Variants in ITGB5 observed in about 807,000 individuals in gnomAD.
The protein encoded by ITGB5 is integrin subunit beta 5.
Under a neutral mutation model 84.8 loss-of-function variants are expected in ITGB5, and 38 were observed. That is an observed-to-expected ratio of 0.45 (90% CI 0.35 to 0.59). The LOEUF (loss-of-function observed/expected upper bound fraction) is 0.59. Among genes scored for constraint, ITGB5 ranks in the 20% least tolerant of loss-of-function variants. ITGB5 has a pLI of 0.01. For synonymous variants in ITGB5, 393 were observed against 414.4 expected (o/e 0.95, Z 0.63); for missense variants, 905 against 1,034.5 (o/e 0.87, Z 1.72).
intron 5 of ITGB5, among the ~76,000 whole-genome samples, chr3:124,821,883 T>C (rs554028446): frequency 7.6e-6 from 1 of 131,778 alleles, no homozygotes; most frequent in African/African-American, 2.9e-5. Flanking sequence ...CATCCCCTGG[T>C]TGGCTGGGCT....
intron 1 of ITGB5, among the ~76,000 whole-genome samples, chr3:124,881,407 A>G (rs1934566142): frequency 6.6e-6 from 1 of 152,170 alleles, no homozygotes; most frequent in South Asian, 2.1e-4. Flanking sequence ...GCTATTAACC[A>G]GGTAGCAGGT....
Position 124,796,693 on chromosome 3 carries a change from C to T in ITGB5, c.1388G>A (p.Cys463Tyr), listed in dbSNP as rs1404964408. Residue 463 changes from cysteine to tyrosine, a missense_variant, in exon 10 of 15, where the codon TGC becomes TAC. Cys to Tyr is a radical substitution (Grantham distance 194). Around this residue, in one of 3 missense-constraint regions of ITGB5, gnomAD observed 656 missense variants for 734.7 expected, o/e 0.89. Transcript: ENST00000296181. ...LEVGVTYNCT[C>Y]GCSVGLEPNS... ...GGGTTCCAGCCCCACGCTGCAGCCGCACGTGCAGTTGTAGGTGACCCCCAC... is the reference window on the plus strand; with the variant it reads ...GGGTTCCAGCCCCACGCTGCAGCCGTACGTGCAGTTGTAGGTGACCCCCAC... The T allele has an allele frequency of 1.2e-6, 2 of 1,614,092 alleles. No individual in the cohort carries two copies. Among genetic ancestry groups the T allele is most frequent in the Non-Finnish European group, 1.7e-6 (2 of 1,180,038 alleles).
At chr3:124,767,586 AACCAGCCCAGGTC>A (rs2063785187) in intron 12 of ITGB5, among the ~76,000 whole-genome samples, 1 of 152,178 alleles carries the variant, frequency 6.6e-6, no homozygotes, top group Non-Finnish European at 1.5e-5. Flanking sequence ...AGTTAGGGGC[AACCAGCCCAGGTC>A]TGCTGGCAGA....
At chr3:124,809,384 A>G in intron 8 of ITGB5, 1 of 523,488 alleles carries the variant, frequency 1.9e-6, no homozygotes. Flanking sequence ...GTGAGTTTGG[A>G]GAAGTTGATA....
rs758721010 is a variant in ITGB5, at chr3:124,809,016, A to G, written c.1263+6T>C. 1.9e-6 allele frequency: 3 copies of G among 1,613,714 alleles called. No homozygotes were observed. Among genetic ancestry groups the G allele is most frequent in the Non-Finnish European group, 2.5e-6 (3 of 1,179,900 alleles). Reference sequence around the variant, plus strand: ...AGAGTTCATACAAACTTGGGGTGAGACTTACCGTGTCCCCAATCTTCAGAC... The same window carrying G: ...AGAGTTCATACAAACTTGGGGTGAGGCTTACCGTGTCCCCAATCTTCAGAC... On this transcript the variant is annotated splice_donor_region_variant and intron_variant, in intron 9 of 14. Coordinates refer to ENST00000296181, the MANE Select transcript of ITGB5 (RefSeq NM_002213.5).
Position 124,859,299 on chromosome 3 carries a change from C to T in ITGB5, c.304G>A (p.Ala102Thr). The change falls in exon 3 of 15, where the codon GCA (alanine) becomes ACA (threonine). Residue 102 changes from alanine (A) to threonine (T), a missense_variant. By Grantham distance (58) the Ala-to-Thr change is moderately conservative. This residue lies in a region of ITGB5 where 656 missense variants were observed against 734.7 expected (regional missense o/e 0.89). Coordinates refer to ENST00000296181, the MANE Select transcript of ITGB5 (RefSeq NM_002213.5). ...LPLSSKGSGSAGWDVIQMTPQ... is the reference protein window; with the variant it reads ...LPLSSKGSGSTGWDVIQMTPQ... ...GTCATCTGAATGACGTCCCAGCCTG[C>T]AGAGCCCGAACCCTTGCTGCTGAGG... The T allele has an allele frequency of 6.2e-7, 1 of 1,614,164 alleles. No individual in the cohort carries two copies. Among genetic ancestry groups the T allele is most frequent in the South Asian group, 1.1e-5 (1 of 91,070 alleles).
rs766635937 is a variant in ITGB5 at position 124,841,510 on chromosome 3, C to T, written c.653G>A (p.Arg218His). The T allele has an allele frequency of 4.3e-5, 69 of 1,613,920 alleles. No homozygotes were observed. Among genetic ancestry groups the T allele is most frequent in the African/African-American group, 2.3e-4 (17 of 74,930 alleles). The change falls in exon 5 of 15, where the codon CGC becomes CAC. Residue 218 changes from arginine to histidine, a missense_variant. Transcript: ENST00000296181. ...FPNCVPSFGF[R>H]HLLPLTDRVD... ...TCTGTCTGTGAGAGGCAGCAGATGG[C>T]GGAACCCAAAGGAGGGGACGCAATT...
intron 4 of ITGB5, among the ~76,000 whole-genome samples, chr3:124,843,682 A>G (rs1392747503): frequency 1.3e-5 from 2 of 152,122 alleles, no homozygotes; most frequent in Admixed American, 6.5e-5. Context: ...ATAGGATGTC[A>G]CCTGTGATGA....
intron 1 of ITGB5, among the ~76,000 whole-genome samples, chr3:124,886,618 G>A (rs1934821668): frequency 1.3e-5 from 2 of 152,194 alleles, no homozygotes; most frequent in South Asian, 4.1e-4. Flanking sequence ...CCAAGGCAGG[G>A]CTGGCGGCGG....
At chr3:124,865,564 G>A (rs1415078692) in intron 2 of ITGB5, among the ~76,000 whole-genome samples, 1 of 131,786 alleles carries the variant, frequency 7.6e-6, no homozygotes, top group Non-Finnish European at 1.5e-5. Context: ...ACCACTCACT[G>A]CAGCTTCAAC....
At chr3:124,779,073 G>A (rs751128834) in intron 10 of ITGB5, among the ~76,000 whole-genome samples, 61 of 152,154 alleles carry the variant, frequency 4.0e-4, no homozygotes, top group Admixed American at 1.6e-3. Flanking sequence ...GCTCTTCCAA[G>A]TGATCTCTGA....
At chr3:124,807,929 G>A (rs1215466093) in intron 9 of ITGB5, among the ~76,000 whole-genome samples, 4 of 110,024 alleles carry the variant, frequency 3.6e-5, no homozygotes, top group South Asian at 6.7e-4. Context: ...GCGACAGAGC[G>A]AGACTTCATC....
chr3:124,898,541 G>A (rs1322060755), intron 1 of ITGB5, among the ~76,000 whole-genome samples: 1 of 150,294 alleles, frequency 6.7e-6, no homozygotes. Flanking sequence ...CTACTCGGGA[G>A]GCTGAGGCAG....
intron 5 of ITGB5, among the ~76,000 whole-genome samples, chr3:124,834,594 GAA>G (rs1274317558): frequency 1.2e-5 from 1 of 85,642 alleles, no homozygotes; most frequent in Non-Finnish European, 2.1e-5. Context: ...AAGAAGGAAG[GAA>G]AGAGAGAGAG....
At chr3:124,854,956 C>T (rs535040060) in intron 3 of ITGB5, among the ~76,000 whole-genome samples, 5 of 152,174 alleles carry the variant, frequency 3.3e-5, no homozygotes, top group African/African-American at 7.2e-5. Flanking sequence ...TTTCACTCAA[C>T]GAATAACTAT....
At chr3:124,774,705 C>T (rs1295179582) in intron 10 of ITGB5, among the ~76,000 whole-genome samples, 3 of 152,164 alleles carry the variant, frequency 2.0e-5, no homozygotes, top group Admixed American at 1.3e-4. Flanking sequence ...GGTTGTTCTC[C>T]CTGAGTCCTA....
intron 2 of ITGB5, chr3:124,863,149 T>G (rs560059638): frequency 1.3e-5 from 2 of 152,310 alleles, no homozygotes; most frequent in South Asian, 2.1e-4. Context: ...CTCAACAACT[T>G]TGAGGCATCT....
Position 124,773,718 on chromosome 3 carries a change from T to C in ITGB5, c.1888A>G (p.Thr630Ala). The C allele has an allele frequency of 6.2e-7, 1 of 1,612,256 alleles. No homozygotes were observed. The highest frequency in any genetic ancestry group is 2.2e-4 in the Middle Eastern group (1 of 4,538). ...TTGGTGCTGCATGCATCCGGGCAGG[T>C]GGGGCACTTCTCACACATCTCCCCA... ...AFGEMCEKCP[T>A]CPDACSTKRD... is the part of the protein sequence containing the mutation. The change falls in exon 11 of 15, where the codon ACC becomes GCC. Residue 630 changes from threonine to alanine, a missense_variant. Around this residue, in one of 3 missense-constraint regions of ITGB5, gnomAD observed 116 missense variants for 177.0 expected, o/e 0.66. Transcript: ENST00000296181.
At chr3:124,815,611 G>A (rs567101431) in intron 8 of ITGB5, among the ~76,000 whole-genome samples, 1 of 152,196 alleles carries the variant, frequency 6.6e-6, no homozygotes, top group Non-Finnish European at 1.5e-5. Flanking sequence ...GAAGGGGAGA[G>A]TGGCAAGGCA....
Sources: allele counts gnomAD v4.1 joint callset (sites outside exome capture counted in the v4.1 genomes callset), GRCh38; gene constraint gnomAD v4.1.1; regional missense constraint gnomAD v4.1.1; transcripts MANE v1.5; gene names NCBI Gene and HGNC (gene_info 2026-07-23, HGNC 2026-07-21).